The following SNCAIP variants were observed in gnomAD, a reference collection of about 807,000 sequenced individuals.
SNCAIP encodes the protein synphilin-1.
SNCAIP carries 43 observed loss-of-function variants against 86.7 expected under a neutral mutation model. That is an observed-to-expected ratio of 0.50 (90% CI 0.39 to 0.64). The LOEUF (loss-of-function observed/expected upper bound fraction) is 0.64. Among genes scored for constraint, SNCAIP ranks in the 30% least tolerant of loss-of-function variants. SNCAIP has a pLI of 0.00. For synonymous variants in SNCAIP, 417 were observed against 427.2 expected, an observed-to-expected ratio of 0.98 and a Z score of 0.29; for missense variants, 981 against 1,103.1, an observed-to-expected ratio of 0.89 and a Z score of 1.57.
chr5:122,387,606 T>C (rs914031126), intron 1 of SNCAIP, among the ~76,000 whole-genome samples: 7 of 152,186 alleles, frequency 4.6e-5, no homozygotes, highest in Admixed American at 1.3e-4. Context: ...TTCAGGACTT[T>C]TTCTGGGTTT....
chr5:122,355,342 T>C (rs1010631281), intron 1 of SNCAIP, among the ~76,000 whole-genome samples: 1 of 152,128 alleles, frequency 6.6e-6, no homozygotes, highest in Non-Finnish European at 1.5e-5. Flanking sequence ...TCTTTCAAAC[T>C]AAAATATGGT....
At chr5:122,391,231 C>A (rs751391291) in intron 2 of SNCAIP, 40 bp downstream of exon 2, 3 of 1,352,946 alleles carry the variant, frequency 2.2e-6, no homozygotes, top group Non-Finnish European at 3.2e-6. Context: ...TCAAGATAAT[C>A]TGCCTTCAAC....
At chr5:122,432,976 G>A (rs304379) in intron 6 of SNCAIP, among the ~76,000 whole-genome samples, 89,091 of 151,860 alleles carry the variant, frequency 0.59, 26,352 homozygotes, top group African/African-American at 0.62. Context: ...AAACTGTGGC[G>A]TTGTCAACAA....
At chr5:122,350,035 G>A (rs997687820) in intron 1 of SNCAIP, among the ~76,000 whole-genome samples, 1 of 152,182 alleles carries the variant, frequency 6.6e-6, no homozygotes, top group Non-Finnish European at 1.5e-5. Flanking sequence ...TTCTTATGAA[G>A]TTAGGGAATA....
intron 1 of SNCAIP, among the ~76,000 whole-genome samples, chr5:122,344,276 A>G (rs1758166524): frequency 1.3e-5 from 2 of 152,352 alleles, no homozygotes; most frequent in African/African-American, 2.4e-5. Flanking sequence ...TTATTTAGAG[A>G]CACTTGCTGT....
chr5:122,378,568 T>G lies in SNCAIP; in HGVS notation c.-46-12521T>G, dbSNP rs982337934. On this transcript the variant is annotated intron_variant, in intron 1 of 10. Transcript: ENST00000261368. Reference sequence around the variant, plus strand: ...AATTAGATCCCATTTGTCAATTTTGTCTTTTGTTGCCATTGCTTTTGGTGT... The same window carrying G: ...AATTAGATCCCATTTGTCAATTTTGGCTTTTGTTGCCATTGCTTTTGGTGT... Among the ~76,000 whole-genome samples, 22 of 142,462 alleles carry G rather than the reference T, an allele frequency of 1.5e-4. 3 individuals are homozygous for G. The highest frequency in any genetic ancestry group is 2.4e-4 in the African/African-American group (9 of 38,150). The allele number at this position is 142,462 out of a possible 152,430, so 93.5% of individuals were successfully genotyped here. A position where few individuals can be genotyped will look rare whatever the true frequency, so the allele number is the denominator to read the frequency against.
chr5:122,400,588 A>G (rs763369023), intron 2 of SNCAIP, among the ~76,000 whole-genome samples: 13 of 152,350 alleles, frequency 8.5e-5, no homozygotes, highest in Middle Eastern at 3.4e-3. Flanking sequence ...CCAAGGGGAG[A>G]AAAGAGAAAA....
At chr5:122,411,148 G>T (rs1039556695) in intron 3 of SNCAIP, among the ~76,000 whole-genome samples, 4 of 152,164 alleles carry the variant, frequency 2.6e-5, no homozygotes, top group African/African-American at 9.6e-5. Context: ...TGGTAGAAAT[G>T]AGTTAAAGGA....
intron 1 of SNCAIP, among the ~76,000 whole-genome samples, chr5:122,362,796 T>C (rs1363909797): frequency 6.6e-6 from 1 of 152,044 alleles, no homozygotes; most frequent in African/African-American, 2.4e-5. Flanking sequence ...CCCTCCTTGA[T>C]AAGATAATGA....
intron 1 of SNCAIP, among the ~76,000 whole-genome samples, chr5:122,334,533 A>G (rs1293703959): frequency 6.6e-6 from 1 of 152,222 alleles, no homozygotes; most frequent in African/African-American, 2.4e-5. Context: ...TTCATACTCA[A>G]GAGAGTTACA....
intron 1 of SNCAIP, among the ~76,000 whole-genome samples, chr5:122,375,167 C>G (rs555109746): frequency 6.6e-6 from 1 of 152,232 alleles, no homozygotes; most frequent in South Asian, 2.1e-4. Flanking sequence ...AAACTATACT[C>G]TTTTCTTCAG....
chr5:122,352,237 G>C (rs1760017422), intron 1 of SNCAIP, among the ~76,000 whole-genome samples: 1 of 152,090 alleles, frequency 6.6e-6, no homozygotes, highest in African/African-American at 2.4e-5. Context: ...TTGCCTAAAA[G>C]TCTCAAAGGT....
At chr5:122,403,016 C>A (rs376945595) in intron 2 of SNCAIP, among the ~76,000 whole-genome samples, 78 of 152,286 alleles carry the variant, frequency 5.1e-4, no homozygotes, top group African/African-American at 1.9e-3. Context: ...TAAAGAAAGA[C>A]TGATTGGCAT....
chr5:122,409,462 G>A (rs533443459), intron 3 of SNCAIP, among the ~76,000 whole-genome samples: 1 of 152,294 alleles, frequency 6.6e-6, no homozygotes, highest in African/African-American at 2.4e-5. Flanking sequence ...ATTTAGATGT[G>A]CTGGATTTAG....
intron 3 of SNCAIP, among the ~76,000 whole-genome samples, chr5:122,414,510 G>C (rs1169495615): frequency 6.6e-6 from 1 of 152,032 alleles, no homozygotes; most frequent in South Asian, 2.1e-4. Flanking sequence ...AATTACTAGC[G>C]TGAGCCACCT....
chr5:122,335,322 G>C (rs1454509209), intron 1 of SNCAIP, among the ~76,000 whole-genome samples: 1 of 152,136 alleles, frequency 6.6e-6, no homozygotes, highest in Non-Finnish European at 1.5e-5. Flanking sequence ...GTTCAATTCT[G>C]TTAACCACTT....
At chr5:122,359,131 CCT>C (rs1442241471) in intron 1 of SNCAIP, among the ~76,000 whole-genome samples, 2 of 151,884 alleles carry the variant, frequency 1.3e-5, no homozygotes, top group South Asian at 2.1e-4. Flanking sequence ...TTGAAAATCA[CCT>C]TCAAATAAGA....
intron 3 of SNCAIP, among the ~76,000 whole-genome samples, chr5:122,417,790 A>G (rs1169183840): frequency 2.0e-5 from 3 of 152,006 alleles, no homozygotes; most frequent in Non-Finnish European, 4.4e-5. Context: ...ATTGGTCCCC[A>G]GTATCTTCAA....
intron 7 of SNCAIP, among the ~76,000 whole-genome samples, chr5:122,442,082 T>C (rs777568758): frequency 2.0e-5 from 3 of 149,028 alleles, no homozygotes; most frequent in Non-Finnish European, 4.5e-5. Context: ...TAACATGTAA[T>C]ACACTTTCTA....
Sources: gnomAD v4.1 joint callset for allele counts (sites outside exome capture counted in the v4.1 genomes callset) on GRCh38, gnomAD v4.1.1 for gene constraint, MANE v1.5 for transcripts, NCBI Gene and HGNC (gene_info 2026-07-23, HGNC 2026-07-21) for gene names.